Variants in MYO6 observed in about 807,000 individuals in gnomAD.
MYO6 encodes unconventional myosin-VI.
Under a neutral mutation model 178.7 loss-of-function variants are expected in MYO6, and 74 were observed. That is an observed-to-expected ratio of 0.41 (90% confidence interval 0.34 to 0.50). The LOEUF (loss-of-function observed/expected upper bound fraction) is 0.50, where lower values mean the gene tolerates loss of function less well. Among genes scored for constraint, MYO6 ranks in the 20% least tolerant of loss-of-function variants. The probability of loss-of-function intolerance (pLI) is 0.09; values close to 1 mark genes in which losing one functional copy is unlikely to be tolerated. For synonymous variants in MYO6, 477 were observed against 504.6 expected (o/e 0.95, Z 0.73); for missense variants, 1,330 against 1,547.4 (o/e 0.86, Z 2.36).
chr6:75,827,375 A>G (rs1772588097), intron 3 of MYO6, among the ~76,000 whole-genome samples: 1 of 152,186 alleles, frequency 6.6e-6, no homozygotes, highest in African/African-American at 2.4e-5. Context: ...CATCTAATAA[A>G]TAGTTCAGTC....
intron 1 of MYO6, among the ~76,000 whole-genome samples, chr6:75,750,810 C>G (rs1417874831): frequency 1.3e-5 from 2 of 151,228 alleles, no homozygotes; most frequent in African/African-American, 4.9e-5. Context: ...GAACTCCTGA[C>G]CTCAGGTGAT....
chr6:75,768,407 G>A (rs1227597537), intron 1 of MYO6, among the ~76,000 whole-genome samples: 1 of 148,150 alleles, frequency 6.7e-6, no homozygotes, highest in African/African-American at 2.5e-5. Flanking sequence ...ATGAGATGGA[G>A]TCTTGCTCTA....
intron 1 of MYO6, among the ~76,000 whole-genome samples, chr6:75,765,917 A>G (rs1778375771): frequency 6.6e-6 from 1 of 152,050 alleles, no homozygotes; most frequent in South Asian, 2.1e-4. Context: ...AGTTCCAGCT[A>G]TTTTGGAGGC....
chr6:75,866,722 T>G, intron 17 of MYO6, 101 bp downstream of exon 17: 1 of 1,196,900 alleles, frequency 8.4e-7, no homozygotes, highest in Non-Finnish European at 1.2e-6. Flanking sequence ...TTCACGTGGT[T>G]ATTTAAATTA....
intron 33 of MYO6, among the ~76,000 whole-genome samples, chr6:75,912,359 A>G (rs1406392613): frequency 6.6e-6 from 1 of 152,030 alleles, no homozygotes; most frequent in African/African-American, 2.4e-5. Context: ...CTTATAATTT[A>G]TAAGGCTGTA....
At chr6:75,882,617 TAAAAA>T (rs375405429) in intron 23 of MYO6, among the ~76,000 whole-genome samples, 6 of 151,860 alleles carry the variant, frequency 4.0e-5, no homozygotes, top group African/African-American at 1.5e-4. Context: ...GTAAAAATAA[TAAAAA>T]AAGATATTTA....
chr6:75,790,716 AATG>A (rs745709931), intron 1 of MYO6, among the ~76,000 whole-genome samples: 15 of 152,288 alleles, frequency 9.8e-5, no homozygotes, highest in East Asian at 1.9e-4. Context: ...ATGTCAAAAG[AATG>A]ATAACATCTC....
intron 1 of MYO6, among the ~76,000 whole-genome samples, chr6:75,763,562 G>A (rs1233348983): frequency 6.6e-6 from 1 of 152,072 alleles, no homozygotes; most frequent in African/African-American, 2.4e-5. Context: ...TAATAAAAAA[G>A]GATTGAATAA....
At chr6:75,841,680 C>T (rs572042901) in intron 9 of MYO6, among the ~76,000 whole-genome samples, 1 of 151,914 alleles carries the variant, frequency 6.6e-6, no homozygotes, top group Non-Finnish European at 1.5e-5. Flanking sequence ...GGTAACAGAG[C>T]GAGACCCTAT....
At chr6:75,859,760 A>G (rs1412907491) in intron 14 of MYO6, among the ~76,000 whole-genome samples, 1 of 151,160 alleles carries the variant, frequency 6.6e-6, no homozygotes, top group Non-Finnish European at 1.5e-5. Flanking sequence ...CCCAGGTTCA[A>G]GCGATTCTCC....
At chr6:75,808,846 T>G (rs774758861) in intron 1 of MYO6, among the ~76,000 whole-genome samples, 1 of 152,182 alleles carries the variant, frequency 6.6e-6, no homozygotes, top group Non-Finnish European at 1.5e-5. Flanking sequence ...TAGTTTCATC[T>G]GGAAAGGTGG....
intron 1 of MYO6, among the ~76,000 whole-genome samples, chr6:75,786,978 T>A (rs1767630457): frequency 6.6e-6 from 1 of 152,220 alleles, no homozygotes; most frequent in African/African-American, 2.4e-5. Context: ...CAAAGATAAG[T>A]CCCAGATTCT....
intron 16 of MYO6, among the ~76,000 whole-genome samples, chr6:75,866,286 T>TGG (rs1315548564): frequency 2.6e-5 from 4 of 151,040 alleles, no homozygotes; most frequent in East Asian, 2.0e-4. Flanking sequence ...TGTGTGTGTG[T>TGG]GTGTGTGTGT....
chr6:75,793,112 T>C (rs1243246360), intron 1 of MYO6, among the ~76,000 whole-genome samples: 2 of 152,166 alleles, frequency 1.3e-5, no homozygotes, highest in East Asian at 3.8e-4. Flanking sequence ...TTCAGAGATC[T>C]CAAAAGATGT....
At chr6:75,829,497 C>T (rs1772850067) in intron 4 of MYO6, among the ~76,000 whole-genome samples, 1 of 152,000 alleles carries the variant, frequency 6.6e-6, no homozygotes, top group Admixed American at 6.6e-5. Flanking sequence ...ATTGTACTTA[C>T]TTAATTCTGA....
intron 30 of MYO6, among the ~76,000 whole-genome samples, chr6:75,905,140 A>C (rs1038531310): frequency 2.6e-5 from 4 of 152,222 alleles, no homozygotes; most frequent in South Asian, 2.1e-4. Context: ...GCTGTCAGAC[A>C]GGGACATTTA....
chr6:75,777,578 C>T (rs1429354217), intron 1 of MYO6, among the ~76,000 whole-genome samples: 2 of 151,852 alleles, frequency 1.3e-5, no homozygotes, highest in Non-Finnish European at 2.9e-5. Flanking sequence ...CAGGTATGCG[C>T]CACCACACCC....
At chr6:75,896,428 AATGTTGTGTTGGGCATTCACATGCCATG>A (rs375081252) in intron 29 of MYO6, among the ~76,000 whole-genome samples, 124 of 152,342 alleles carry the variant, frequency 8.1e-4, no homozygotes, top group African/African-American at 2.7e-3. Flanking sequence ...TTGATATAGG[AATGTTGTGTTGGGCATTCACATGCCATG>A]AAATTGTGAA....
At chr6:75,756,157 G>A (rs760298698) in intron 1 of MYO6, among the ~76,000 whole-genome samples, 6 of 151,942 alleles carry the variant, frequency 3.9e-5, no homozygotes, top group African/African-American at 7.2e-5. Context: ...CTACTCAGGC[G>A]GCTGAGGCAG....
Sources: allele counts gnomAD v4.1 joint callset (sites outside exome capture counted in the v4.1 genomes callset), GRCh38; gene constraint gnomAD v4.1.1; transcripts MANE v1.5; gene names NCBI Gene and HGNC (gene_info 2026-07-23, HGNC 2026-07-21).